Variants in IL31RA observed in about 807,000 individuals in gnomAD.
IL31RA encodes the protein interleukin-31 receptor subunit alpha.
A neutral mutation model predicts 83.7 loss-of-function variants in IL31RA; 66 were observed. The ratio of observed to expected loss-of-function variants is 0.79; its 90% confidence interval spans 0.65 to 0.97. The LOEUF (loss-of-function observed/expected upper bound fraction) is 0.97. Ranked by LOEUF, IL31RA falls within the 50% of genes least tolerant of loss-of-function variation. IL31RA has a pLI of 0.00. For missense variants in IL31RA, 798 were observed against 919.4 expected (o/e 0.87, Z 1.71); for synonymous variants, 325 against 329.0 (o/e 0.99, Z 0.13).
chr5:55,918,020 C>T lies in IL31RA; in HGVS notation c.*900C>T, dbSNP rs527279677. On this transcript the variant is annotated 3_prime_UTR_variant, in exon 15 of 15. Coordinates refer to ENST00000652347, the MANE Select transcript of IL31RA (RefSeq NM_139017.7). Reference sequence around the variant, plus strand: ...GGGCAGGGCCTGGGAACATGCAATGCCTAGCAAATTTGCAGCCCCAACAGG... The same window carrying T: ...GGGCAGGGCCTGGGAACATGCAATGTCTAGCAAATTTGCAGCCCCAACAGG... Among the ~76,000 whole-genome samples the T allele has an allele frequency of 1.3e-5, 2 of 152,236 alleles. No individual in the cohort carries two copies. Among genetic ancestry groups the T allele is most frequent in the Admixed American group, 6.5e-5 (1 of 15,288 alleles).
rs1233197618 is a variant in IL31RA at position 55,920,469 on chromosome 5, G to A, written c.*3349G>A. Among the ~76,000 whole-genome samples, 20 of 152,246 alleles carry A rather than the reference G, an allele frequency of 1.3e-4. No homozygotes were observed. Among genetic ancestry groups the A allele is most frequent in the Admixed American group, 1.1e-3 (17 of 15,282 alleles). ...GACAAGAAAAGTCCAAGAAATTCAC[G>A]TAGTGTTGACAAAGTGTAATTGGAA... On this transcript the variant is annotated 3_prime_UTR_variant, in exon 15 of 15. Coordinates refer to ENST00000652347, the MANE Select transcript of IL31RA (RefSeq NM_139017.7).
intron 2 of IL31RA, among the ~76,000 whole-genome samples, chr5:55,861,889 A>G (rs1477629933): frequency 1.3e-5 from 2 of 152,166 alleles, no homozygotes; most frequent in African/African-American, 2.4e-5. Context: ...CTTCTATGTC[A>G]AGATATTTTT....
At chr5:55,887,017 T>C (rs1022639252) in intron 5 of IL31RA, among the ~76,000 whole-genome samples, 3 of 152,234 alleles carry the variant, frequency 2.0e-5, no homozygotes, top group Admixed American at 2.0e-4. Context: ...TCATCTGTTT[T>C]CCCTTTGCCT....
In IL31RA at chr5:55,917,757, T is replaced by C. The variant is rs1051381227; in HGVS notation, c.*637T>C. Among the ~76,000 whole-genome samples, 4 of 149,534 alleles carry C rather than the reference T, an allele frequency of 2.7e-5. No individual in the cohort carries two copies. The highest frequency in any genetic ancestry group is 1.0e-4 in the African/African-American group (4 of 38,906). ...ATCCTCACCCCCAATTTAGACTGCA[T>C]TGACTACTAAAAAATCAAGGAATGG... is the stretch of plus-strand genomic sequence containing the variant. On this transcript the variant is annotated 3_prime_UTR_variant, in exon 15 of 15. Transcript: ENST00000652347.
At chr5:55,913,041 GCCAGGAAGACA>G (rs1749587531) in intron 12 of IL31RA, among the ~76,000 whole-genome samples, 1 of 152,140 alleles carries the variant, frequency 6.6e-6, no homozygotes, top group Admixed American at 6.5e-5. Context: ...AATGAATGCT[GCCAGGAAGACA>G]CCTAGATGGG....
Position 55,903,110 on chromosome 5 carries a change from C to T in IL31RA, c.1069+2978C>T, listed in dbSNP as rs1030413617. 6.6e-6 allele frequency among the ~76,000 whole-genome samples: 1 copy of T among 152,206 alleles called. No individual in the cohort carries two copies. The highest frequency in any genetic ancestry group is 1.5e-5 in the Non-Finnish European group (1 of 68,030). On this transcript the variant is annotated intron_variant, in intron 8 of 14. Coordinates refer to ENST00000652347, the MANE Select transcript of IL31RA (RefSeq NM_139017.7). The surrounding 1 kb of genome is among the most constrained non-coding windows in gnomAD (Gnocchi z 4.7). ...TGGAATAAGGGCTTGGAATGAGGTT[C>T]CTTCTGCTCAGCACGCCCTGGGTTT...
chr5:55,912,417 GA>G (rs1749549380), intron 12 of IL31RA, among the ~76,000 whole-genome samples: 1 of 152,110 alleles, frequency 6.6e-6, no homozygotes, highest in African/African-American at 2.4e-5. Context: ...CTTCTGCCTG[GA>G]ATGCTTTTCT....
At chr5:55,889,878 TA>T in intron 5 of IL31RA, 91 bp from the exon 6 acceptor site, 1 of 1,154,824 alleles carries the variant, frequency 8.7e-7, no homozygotes, top group Non-Finnish European at 1.3e-6. Flanking sequence ...TTACTAGTTC[TA>T]AAAATGTAAA....
chr5:55,883,147 T>G lies in IL31RA; in HGVS notation c.558T>G (p.Ser186=). ...AGCCTGAGTTGGCGCCTGTTTCATC[T>G]GATTTAAAATACACACTTCGATTCA... ...WIKPELAPVS[S]DLKYTLRFRT... is the part of the protein sequence containing the mutation. Residue 186 remains serine, a synonymous_variant, in exon 5 of 15, where the codon TCT becomes TCG. Coordinates refer to ENST00000652347, the MANE Select transcript of IL31RA (RefSeq NM_139017.7). The G allele has an allele frequency of 1.2e-6, 2 of 1,614,116 alleles. No individual in the cohort carries two copies. The highest frequency in any genetic ancestry group is 1.7e-6 in the Non-Finnish European group (2 of 1,179,944).
chr5:55,890,008 C>A lies in IL31RA; in HGVS notation c.645C>A (p.Asn215Lys). 6.2e-7 allele frequency: 1 copy of A among 1,614,122 alleles called. No individual in the cohort carries two copies. Among genetic ancestry groups the A allele is most frequent in the East Asian group, 2.2e-5 (1 of 44,880 alleles). Residue 215 changes from asparagine to lysine, a missense_variant, in exon 6 of 15, where the codon AAC becomes AAA. Physicochemically the swap from Asn to Lys is moderately conservative, Grantham distance 94 (BLOSUM62 0). Coordinates refer to ENST00000652347, the MANE Select transcript of IL31RA (RefSeq NM_139017.7). ...VNFAKNRKDK[N>K]QTYNLTGLQP... Reference sequence around the variant, plus strand: ...TCGCTAAGAACCGTAAGGATAAAAACCAAACGTACAACCTCACGGGGCTGC... The same window carrying A: ...TCGCTAAGAACCGTAAGGATAAAAAACAAACGTACAACCTCACGGGGCTGC...
In IL31RA at chr5:55,855,333, A is replaced by T. The variant is rs886074839; in HGVS notation, c.63+3700A>T. Among the ~76,000 whole-genome samples, 29 of 150,656 alleles carry T rather than the reference A, an allele frequency of 1.9e-4. 1 individual carries two copies. The highest frequency in any genetic ancestry group is 9.3e-4 in the Admixed American group (14 of 15,096). On this transcript the variant is annotated intron_variant, in intron 1 of 14. Coordinates refer to ENST00000652347, the MANE Select transcript of IL31RA (RefSeq NM_139017.7). ...TAATTTAAAATATATATATATATATATTTTTAGAGACAGAGTCTTGCTATG... is the reference window on the plus strand; with the variant it reads ...TAATTTAAAATATATATATATATATTTTTTTAGAGACAGAGTCTTGCTATG...
intron 8 of IL31RA, among the ~76,000 whole-genome samples, chr5:55,904,055 T>C (rs1748983625): frequency 6.6e-6 from 1 of 152,250 alleles, no homozygotes; most frequent in Non-Finnish European, 1.5e-5. Context: ...GGCTAGCTTC[T>C]TGTGTGTCTC....
At chr5:55,902,203 T>C (rs1488239954) in intron 8 of IL31RA, 1 of 152,210 alleles carries the variant, frequency 6.6e-6, no homozygotes, top group Non-Finnish European at 1.5e-5. Context: ...TGGCTTCTTT[T>C]GTGCAACGGT....
intron 5 of IL31RA, among the ~76,000 whole-genome samples, chr5:55,886,920 G>C (rs1747653969): frequency 6.6e-6 from 1 of 152,172 alleles, no homozygotes; most frequent in Admixed American, 6.5e-5. Flanking sequence ...TCCTCTGCAT[G>C]CTTCTGTCAT....
chr5:55,912,813 A>C (rs1489981973), intron 12 of IL31RA, among the ~76,000 whole-genome samples: 1 of 151,768 alleles, frequency 6.6e-6, no homozygotes, highest in African/African-American at 2.4e-5. Context: ...AAAAAAGTCT[A>C]AAAATTAGCT....
chr5:55,922,378 T>A lies in IL31RA; in HGVS notation c.*5258T>A. The A allele has an allele frequency of 1.3e-6, 2 of 1,548,590 alleles. No individual in the cohort carries two copies. Among genetic ancestry groups the A allele is most frequent in the Non-Finnish European group, 1.7e-6 (2 of 1,144,710 alleles). ...TTCAAGGGAAGTGAGATACTTGTACTATGCATTTCATTTTTAGGACTAGAA... is the reference window on the plus strand; with the variant it reads ...TTCAAGGGAAGTGAGATACTTGTACAATGCATTTCATTTTTAGGACTAGAA... On this transcript the variant is annotated 3_prime_UTR_variant, in exon 15 of 15. Transcript: ENST00000652347.
At chr5:55,901,286 C>A (rs1364334386) in intron 8 of IL31RA, among the ~76,000 whole-genome samples, 2 of 152,166 alleles carry the variant, frequency 1.3e-5, no homozygotes, top group Non-Finnish European at 2.9e-5. Flanking sequence ...GGCACACATT[C>A]TTTATTAATA....
In IL31RA at chr5:55,908,154, C is replaced by T. The variant is rs1396358414; in HGVS notation, c.1355-111C>T. ...ATCAATTCCCTACTCAACCCTCACC[C>T]GTCGCCTCCAGCACTATGGTTTGGT... is the stretch of plus-strand genomic sequence containing the variant. On this transcript the variant is annotated intron_variant, in intron 10 of 14. Transcript: ENST00000652347. 3.3e-5 allele frequency: 48 copies of T among 1,463,988 alleles called. No individual in the cohort carries two copies. In the East Asian group the frequency reaches 6.4e-4, roughly 20 times the overall value. The allele number at this position is 1,463,988 out of a possible 1,614,324, so 90.7% of individuals were successfully genotyped here.
intron 5 of IL31RA, among the ~76,000 whole-genome samples, chr5:55,885,484 A>G (rs754055471): frequency 6.6e-6 from 1 of 152,188 alleles, no homozygotes; most frequent in Non-Finnish European, 1.5e-5. Context: ...ACCACACAGG[A>G]GCTAAAGAGG....
Sources: allele counts gnomAD v4.1 joint callset (sites outside exome capture counted in the v4.1 genomes callset), GRCh38; gene constraint gnomAD v4.1.1; non-coding constraint Gnocchi (gnomAD v3.1); transcripts MANE v1.5; gene names NCBI Gene and HGNC (gene_info 2026-07-23, HGNC 2026-07-21).